Variants in CIMIP4 observed in about 807,000 individuals in gnomAD.
CIMIP4 encodes the protein ciliary microtubule inner protein 4.
the CIMIP4 span, chr22:37,007,628 G>A: frequency 7.9e-5 from 12 of 152,370 alleles, no homozygotes; most frequent in Middle Eastern, 0.014. Flanking sequence ...GGTAAGTCCA[G>A]TCTAGGCAGT....
At chr22:37,004,661 G>A in the CIMIP4 span, among the ~76,000 whole-genome samples, 2 of 151,512 alleles carry the variant, frequency 1.3e-5, no homozygotes, top group East Asian at 2.0e-4. Flanking sequence ...TGCAGCTTTC[G>A]TGCTTGTGTT....
chr22:37,000,070 C>A, the CIMIP4 span: 1 of 1,494,416 alleles, frequency 6.7e-7, no homozygotes, highest in Non-Finnish European at 9.0e-7. Flanking sequence ...CTCCCTTGAC[C>A]CTGCCCTCCC....
the CIMIP4 span, chr22:37,002,326 GA>G: frequency 7.6e-7 from 1 of 1,307,722 alleles, no homozygotes; most frequent in Non-Finnish European, 9.8e-7. Context: ...AAGAGAAACA[GA>G]GGGGGAGGGA....
At chr22:36,991,146 A>G in the CIMIP4 span, 2 of 1,596,942 alleles carry the variant, frequency 1.3e-6, no homozygotes, top group African/African-American at 2.7e-5. Context: ...TTAGCACTTT[A>G]TTTGAGTAGA....
chr22:36,994,525 A>G, the CIMIP4 span, among the ~76,000 whole-genome samples: 4 of 151,630 alleles, frequency 2.6e-5, no homozygotes, highest in Non-Finnish European at 2.9e-5. Flanking sequence ...ATGCGCCATC[A>G]TGCCAGCTAA....
the CIMIP4 span, among the ~76,000 whole-genome samples, chr22:36,999,302 CAA>C: frequency 9.4e-6 from 1 of 106,824 alleles, no homozygotes. Flanking sequence ...AGCAAAAATA[CAA>C]AAAAAAAAAA....
At chr22:36,994,262 A>G in the CIMIP4 span, among the ~76,000 whole-genome samples, 2 of 152,370 alleles carry the variant, frequency 1.3e-5, no homozygotes, top group South Asian at 2.1e-4. Context: ...GAAATTATTA[A>G]CAAGCCTGTT....
the CIMIP4 span, chr22:37,002,167 G>A: frequency 6.0e-6 from 9 of 1,508,400 alleles, no homozygotes; most frequent in East Asian, 2.5e-5. Flanking sequence ...TGGCTCCCAG[G>A]GGCAGGGGCT....
At chr22:37,005,725 T>C in the CIMIP4 span, among the ~76,000 whole-genome samples, 1 of 152,212 alleles carries the variant, frequency 6.6e-6, no homozygotes, top group Non-Finnish European at 1.5e-5. Flanking sequence ...CTGAATGATT[T>C]AGCTAAAGAG....
the CIMIP4 span, among the ~76,000 whole-genome samples, chr22:37,002,891 T>C: frequency 6.6e-6 from 1 of 152,052 alleles, no homozygotes; most frequent in African/African-American, 2.4e-5. Context: ...AGTGGCACCA[T>C]CCCAGCCACC....
the CIMIP4 span, chr22:37,004,093 T>G: frequency 3.5e-6 from 5 of 1,434,360 alleles, no homozygotes; most frequent in Non-Finnish European, 4.7e-6. Context: ...AAGGATGAGC[T>G]GGGAGCTGAA....
At chr22:37,004,795 C>A in the CIMIP4 span, among the ~76,000 whole-genome samples, 2 of 151,874 alleles carry the variant, frequency 1.3e-5, no homozygotes, top group Non-Finnish European at 2.9e-5. Flanking sequence ...TCAAGCAATT[C>A]TCCCACCTCA....
At chr22:37,004,629 G>C in the CIMIP4 span, among the ~76,000 whole-genome samples, 28 of 152,194 alleles carry the variant, frequency 1.8e-4, no homozygotes, top group African/African-American at 6.3e-4. Context: ...ATTCAAATTA[G>C]AGGGGTAGAT....
At chr22:37,000,079 C>T in the CIMIP4 span, 5 of 1,465,728 alleles carry the variant, frequency 3.4e-6, no homozygotes, top group Non-Finnish European at 3.6e-6. Flanking sequence ...CCCTGCCCTC[C>T]CCACCCCGAT....
At chr22:36,999,747 C>T in the CIMIP4 span, 2 of 1,498,056 alleles carry the variant, frequency 1.3e-6, no homozygotes, top group African/African-American at 1.4e-5. Context: ...GGGTCCTAGA[C>T]CCCATATGGA....
the CIMIP4 span, among the ~76,000 whole-genome samples, chr22:37,003,349 G>A: frequency 6.6e-6 from 1 of 152,102 alleles, no homozygotes; most frequent in East Asian, 1.9e-4. Flanking sequence ...CCAACTCACT[G>A]GACTCTCTTC....
chr22:36,999,758 G>T, the CIMIP4 span: 2 of 1,526,366 alleles, frequency 1.3e-6, no homozygotes, highest in Non-Finnish European at 1.8e-6. Context: ...CCCATATGGA[G>T]TGGAAACCCC....
At chr22:36,991,357 G>A in the CIMIP4 span, 1 of 1,560,986 alleles carries the variant, frequency 6.4e-7, no homozygotes, top group East Asian at 2.2e-5. Context: ...GGGATGACTC[G>A]TACCTCTTCC....
the CIMIP4 span, chr22:37,002,155 G>A: frequency 1.4e-5 from 21 of 1,519,750 alleles, no homozygotes; most frequent in African/African-American, 1.3e-4. Flanking sequence ...TGCCTTGAGC[G>A]CTGGCTCCCA....
Sources: gnomAD v4.1 joint callset for allele counts (sites outside exome capture counted in the v4.1 genomes callset) on GRCh38, gnomAD v4.1.1 for gene constraint, MANE v1.5 for transcripts, NCBI Gene and HGNC (gene_info 2026-07-23, HGNC 2026-07-21) for gene names.